CPQ: variants seen among roughly 807,000 people sequenced by gnomAD.
CPQ encodes the protein carboxypeptidase Q.
CPQ carries 37 observed loss-of-function variants against 45.7 expected under a neutral mutation model. The observed-to-expected ratio is 0.81, with a 90% confidence interval of 0.62 to 1.07. The LOEUF (loss-of-function observed/expected upper bound fraction) is 1.07, where lower values mean the gene tolerates loss of function less well. Ranked by LOEUF, CPQ falls within the 50% of genes least tolerant of loss-of-function variation. The probability of loss-of-function intolerance (pLI) is 0.00; values close to 1 mark genes in which losing one functional copy is unlikely to be tolerated. For synonymous variants in CPQ, 186 were observed against 205.8 expected (o/e 0.90, Z 0.82); for missense variants, 537 against 572.9 (o/e 0.94, Z 0.64).
chr8:96,882,234 G>T (rs989305811), intron 4 of CPQ, among the ~76,000 whole-genome samples: 12 of 152,224 alleles, frequency 7.9e-5, no homozygotes, highest in African/African-American at 2.7e-4. Context: ...CCACAGGGAT[G>T]ATGGAAAACA....
At chr8:96,833,031 G>T (rs928489185) in intron 2 of CPQ, among the ~76,000 whole-genome samples, 1 of 152,062 alleles carries the variant, frequency 6.6e-6, no homozygotes, top group Admixed American at 6.6e-5. Context: ...GTGTAAGGGG[G>T]TTGAACAGAG....
chr8:96,669,074 A>G (rs1808965325), intron 1 of CPQ, among the ~76,000 whole-genome samples: 1 of 152,234 alleles, frequency 6.6e-6, no homozygotes, highest in African/African-American at 2.4e-5. Flanking sequence ...GAGGTATCTG[A>G]ATATCCCTGC....
intron 7 of CPQ, among the ~76,000 whole-genome samples, chr8:97,098,141 T>C (rs1811240730): frequency 6.6e-6 from 1 of 152,190 alleles, no homozygotes; most frequent in Admixed American, 6.5e-5. Flanking sequence ...TGGGGATACA[T>C]AAAGAATGCA....
chr8:96,790,567 G>A (rs746896219), intron 2 of CPQ, among the ~76,000 whole-genome samples: 4 of 152,112 alleles, frequency 2.6e-5, no homozygotes, highest in Non-Finnish European at 5.9e-5. Flanking sequence ...TCCTTCCAAA[G>A]GTGAAACTGT....
At chr8:97,137,423 C>T (rs982390549) in intron 7 of CPQ, among the ~76,000 whole-genome samples, 3 of 152,148 alleles carry the variant, frequency 2.0e-5, no homozygotes, top group African/African-American at 7.2e-5. Context: ...CTCCATTCAC[C>T]CTCAGTGACT....
intron 6 of CPQ, among the ~76,000 whole-genome samples, chr8:97,057,922 A>G (rs763495771): frequency 3.3e-5 from 5 of 152,212 alleles, no homozygotes; most frequent in Non-Finnish European, 7.3e-5. Flanking sequence ...CAGACCAAGG[A>G]GCCCTGAAGT....
intron 3 of CPQ, among the ~76,000 whole-genome samples, chr8:96,873,691 C>CT (rs1018068567): frequency 1.3e-5 from 2 of 151,526 alleles, no homozygotes; most frequent in African/African-American, 4.8e-5. Context: ...ACTTCCAGAC[C>CT]TTTTTTTAGG....
chr8:97,089,198 G>A (rs966769748), intron 7 of CPQ, among the ~76,000 whole-genome samples: 18 of 146,676 alleles, frequency 1.2e-4, no homozygotes, highest in South Asian at 4.3e-4. Flanking sequence ...AGCCGAGATC[G>A]TGCCATTACA....
At chr8:97,039,526 A>C (rs1381348702) in intron 6 of CPQ, among the ~76,000 whole-genome samples, 1 of 151,326 alleles carries the variant, frequency 6.6e-6, no homozygotes, top group Non-Finnish European at 1.5e-5. Context: ...GTACATGTGC[A>C]CAATGTGCAG....
chr8:96,959,791 T>C (rs1428720681), intron 4 of CPQ, among the ~76,000 whole-genome samples: 2 of 151,704 alleles, frequency 1.3e-5, no homozygotes, highest in Non-Finnish European at 2.9e-5. Context: ...GGCCTCAAAC[T>C]TTGTACCCCT....
At chr8:96,812,504 A>G (rs923699345) in intron 2 of CPQ, among the ~76,000 whole-genome samples, 1 of 152,146 alleles carries the variant, frequency 6.6e-6, no homozygotes, top group Non-Finnish European at 1.5e-5. Flanking sequence ...TTGCTGTAAA[A>G]TATTCCTTGA....
intron 2 of CPQ, among the ~76,000 whole-genome samples, chr8:96,819,483 T>C (rs2130835577): frequency 6.6e-6 from 1 of 152,172 alleles, no homozygotes; most frequent in South Asian, 2.1e-4. Flanking sequence ...AATCAGGACT[T>C]TCAGGTGGAT....
intron 7 of CPQ, among the ~76,000 whole-genome samples, chr8:97,127,233 G>A (rs778086448): frequency 5.3e-5 from 8 of 152,054 alleles, no homozygotes; most frequent in African/African-American, 4.8e-5. Context: ...AAGCCACAGA[G>A]GAGAAAATAC....
At chr8:96,949,140 G>A (rs565151747) in intron 4 of CPQ, among the ~76,000 whole-genome samples, 2 of 152,166 alleles carry the variant, frequency 1.3e-5, no homozygotes, top group South Asian at 4.1e-4. Flanking sequence ...AAAATTCAGT[G>A]TAATAATTGG....
chr8:96,971,519 A>G (rs1299571330), intron 5 of CPQ, among the ~76,000 whole-genome samples: 1 of 152,190 alleles, frequency 6.6e-6, no homozygotes, highest in Non-Finnish European at 1.5e-5. Context: ...ACATTCCATG[A>G]ACTCTCCCTA....
intron 1 of CPQ, among the ~76,000 whole-genome samples, chr8:96,666,363 C>T (rs1315282631): frequency 6.6e-6 from 1 of 152,072 alleles, no homozygotes; most frequent in Non-Finnish European, 1.5e-5. Context: ...TCCATTGAGT[C>T]CCTGGATGCC....
intron 5 of CPQ, among the ~76,000 whole-genome samples, chr8:97,018,421 G>T (rs988957364): frequency 6.6e-6 from 1 of 152,140 alleles, no homozygotes; most frequent in African/African-American, 2.4e-5. Context: ...AATTCAGAAG[G>T]TTAGTTGTTA....
intron 2 of CPQ, among the ~76,000 whole-genome samples, chr8:96,798,004 T>C (rs1355151421): frequency 6.6e-6 from 1 of 151,818 alleles, no homozygotes; most frequent in East Asian, 1.9e-4. Context: ...TGAGCCTAGA[T>C]TGTGCCACTG....
chr8:96,805,301 T>G (rs1205226897), intron 2 of CPQ, among the ~76,000 whole-genome samples: 1 of 152,196 alleles, frequency 6.6e-6, no homozygotes, highest in African/African-American at 2.4e-5. Context: ...CATTTAAATA[T>G]TTATGTACAT....
Sources: gnomAD v4.1 joint callset for allele counts (sites outside exome capture counted in the v4.1 genomes callset) on GRCh38, gnomAD v4.1.1 for gene constraint, MANE v1.5 for transcripts, NCBI Gene and HGNC (gene_info 2026-07-23, HGNC 2026-07-21) for gene names.